The following PLXNC1 variants were observed in gnomAD, a reference collection of about 807,000 sequenced individuals.
The protein encoded by PLXNC1 is plexin-C1.
PLXNC1 carries 75 observed loss-of-function variants against 178.2 expected under a neutral mutation model. The observed-to-expected ratio is 0.42, with a 90% CI of 0.35 to 0.51. The LOEUF (loss-of-function observed/expected upper bound fraction) is 0.51. PLXNC1 is among the 20% of genes least tolerant of loss of function. The pLI is 0.02. For synonymous variants in PLXNC1, 790 were observed against 779.9 expected (o/e 1.01, Z -0.22); for missense variants, 1,503 against 1,984.4 (o/e 0.76, Z 4.61).
At position 94,220,056 on chromosome 12, in the gene PLXNC1, C is replaced by A. The variant is rs1201529476; in HGVS notation, c.1595C>A (p.Ser532Ter). 1 of 1,613,612 alleles carries A rather than the reference C, an allele frequency of 6.2e-7. No individual in the cohort carries two copies. Among genetic ancestry groups the A allele is most frequent in the Non-Finnish European group, 8.5e-7 (1 of 1,179,720 alleles). ...TMVGSFSPRH[S>*]KCMVKNVDSS... ...GTGGGAAGCTTCTCTCCAAGACACTCAAAGTGCATGGTGAAGAATGTGGAC... is the reference window on the plus strand; with the variant it reads ...GTGGGAAGCTTCTCTCCAAGACACTAAAAGTGCATGGTGAAGAATGTGGAC... The change falls in exon 6 of 31, where the codon TCA becomes TAA. Residue 532 changes from serine (S) to a stop codon, truncating the protein, a stop_gained. Coordinates refer to ENST00000258526, the MANE Select transcript of PLXNC1 (RefSeq NM_005761.3). LOFTEE classifies it high-confidence loss of function.
In PLXNC1 at chr12:94,260,615, G is replaced by T. The variant is rs756333840; in HGVS notation, c.3252-27G>T. 1.9e-6 allele frequency: 3 copies of T among 1,578,540 alleles called. No individual in the cohort carries two copies. The highest frequency in any genetic ancestry group is 1.3e-5 in the African/African-American group (1 of 74,168). On this transcript the variant is annotated intron_variant, in intron 19 of 30. Coordinates refer to ENST00000258526, the MANE Select transcript of PLXNC1 (RefSeq NM_005761.3). This position sits in a 1 kb window ranked among gnomAD's most constrained non-coding sequence, Gnocchi z 4.4. ...GTGTCCAGCTAGGCCTGCAGCCAAT[G>T]GTTCACCCAGCTCTCTTTTTCAACA...
chr12:94,166,171 G>A (rs987526568), intron 1 of PLXNC1, among the ~76,000 whole-genome samples: 1 of 152,084 alleles, frequency 6.6e-6, no homozygotes, highest in Admixed American at 6.5e-5. Context: ...CCATGGGTGT[G>A]GCAGTAACTT....
At chr12:94,183,903 G>A (rs1171689350) in intron 3 of PLXNC1, among the ~76,000 whole-genome samples, 2 of 152,210 alleles carry the variant, frequency 1.3e-5, no homozygotes, top group Non-Finnish European at 2.9e-5. Context: ...CTCTGGCTGA[G>A]CAAATATAAC....
At chr12:94,279,759 A>G in intron 22 of PLXNC1, 110 bp downstream of exon 22, 2 of 962,004 alleles carry the variant, frequency 2.1e-6, no homozygotes, top group Non-Finnish European at 3.3e-6. Context: ...ATTCAGTGAC[A>G]CTTACACAGC....
Position 94,209,733 on chromosome 12 carries a change from G to T in PLXNC1, c.1554+29G>T, listed in dbSNP as rs537806079. The T allele has an allele frequency of 3.1e-5, 42 of 1,338,316 alleles. No homozygotes were observed. In the East Asian group the frequency reaches 6.9e-4, roughly 22 times the overall value. 82.9% of individuals were successfully genotyped at this position (1,338,316 alleles called of 1,614,324 possible). On this transcript the variant is annotated intron_variant, in intron 5 of 30. Coordinates refer to ENST00000258526, the MANE Select transcript of PLXNC1 (RefSeq NM_005761.3). ...AGAGGAAAGATTTTAATTTGTCCTCGTTGTATTGTCTCATTTTGCACAGCG... is the reference window on the plus strand; with the variant it reads ...AGAGGAAAGATTTTAATTTGTCCTCTTTGTATTGTCTCATTTTGCACAGCG...
intron 4 of PLXNC1, among the ~76,000 whole-genome samples, chr12:94,209,355 A>G (rs368522691): frequency 4.6e-5 from 7 of 152,092 alleles, no homozygotes; most frequent in African/African-American, 1.7e-4. Context: ...CATGTTGTCT[A>G]CATTTGTTCT....
chr12:94,245,969 A>G (rs143362644), intron 12 of PLXNC1, among the ~76,000 whole-genome samples: 18 of 152,366 alleles, frequency 1.2e-4, no homozygotes, highest in African/African-American at 4.1e-4. Context: ...ATTAGTGACA[A>G]TGAAAGCAGT....
intron 5 of PLXNC1, among the ~76,000 whole-genome samples, chr12:94,213,108 A>G (rs962359417): frequency 1.3e-5 from 2 of 152,146 alleles, no homozygotes; most frequent in Admixed American, 1.3e-4. Context: ...GCTGCAATAT[A>G]CTTACATGTG....
rs1183896304 is a variant in PLXNC1 at position 94,297,345 on chromosome 12, T to A, written c.3996T>A (p.Asp1332Glu). The A allele has an allele frequency of 6.2e-7, 1 of 1,614,056 alleles. No individual in the cohort carries two copies. ...TACCAGATTCGGAAGCATTCCAAGA[T>A]GTGCAAGGAAAGAGACATCGAGGGA... ...LILPDSEAFQ[D>E]VQGKRHRGKH... The change falls in exon 26 of 31, where the codon GAT becomes GAA. Residue 1332 changes from aspartate (D) to glutamate (E), a missense_variant. Asp to Glu is a conservative substitution (Grantham distance 45). This residue lies in a region of PLXNC1 where 639 missense variants were observed against 979.7 expected (regional missense o/e 0.65). Transcript: ENST00000258526.
intron 9 of PLXNC1, among the ~76,000 whole-genome samples, chr12:94,231,327 C>T (rs759004946): frequency 6.6e-6 from 1 of 152,064 alleles, no homozygotes; most frequent in Non-Finnish European, 1.5e-5. Context: ...CCAGGACACA[C>T]GCTAGAGGAA....
intron 14 of PLXNC1, among the ~76,000 whole-genome samples, chr12:94,250,263 G>C (rs1397656340): frequency 6.6e-6 from 1 of 152,206 alleles, no homozygotes; most frequent in Non-Finnish European, 1.5e-5. Context: ...GGCTTGGCTT[G>C]TGGGCTGCAG....
intron 26 of PLXNC1, among the ~76,000 whole-genome samples, chr12:94,298,051 T>A (rs1968104477): frequency 6.6e-6 from 1 of 152,216 alleles, no homozygotes; most frequent in Non-Finnish European, 1.5e-5. Flanking sequence ...TTGATGGGCA[T>A]GCTTCTTCAG....
At chr12:94,158,215 T>C (rs1442170249) in intron 1 of PLXNC1, 2 of 152,188 alleles carry the variant, frequency 1.3e-5, no homozygotes, top group Non-Finnish European at 2.9e-5. Context: ...AGAGAGGTAA[T>C]GCTTGAGCTG....
At chr12:94,286,662 T>C (rs1264329390) in intron 23 of PLXNC1, among the ~76,000 whole-genome samples, 1 of 146,682 alleles carries the variant, frequency 6.8e-6, no homozygotes, top group East Asian at 2.0e-4. Flanking sequence ...AAATAGGGTC[T>C]AATTCAGAGT....
At chr12:94,290,759 C>A (rs1592962737) in intron 23 of PLXNC1, among the ~76,000 whole-genome samples, 1 of 152,378 alleles carries the variant, frequency 6.6e-6, no homozygotes, top group East Asian at 1.9e-4. Context: ...GGTTTCCACT[C>A]TTTCCAAACT....
At chr12:94,234,397 AAAAT>A (rs1388025588) in intron 9 of PLXNC1, among the ~76,000 whole-genome samples, 8 of 152,346 alleles carry the variant, frequency 5.3e-5, no homozygotes, top group African/African-American at 1.7e-4. Flanking sequence ...TTAAAAATAA[AAAAT>A]AAAAAGGATC....
chr12:94,239,819 T>C (rs1964334541), intron 10 of PLXNC1, among the ~76,000 whole-genome samples: 1 of 152,242 alleles, frequency 6.6e-6, no homozygotes, highest in African/African-American at 2.4e-5. Context: ...GATTCTGAGA[T>C]GCCTGGGCTC....
Position 94,306,660 on chromosome 12 carries a change from T to C in PLXNC1, c.*1375T>C, listed in dbSNP as rs1969051194. 6.6e-6 allele frequency: 1 copy of C among 152,190 alleles called. No homozygotes were observed. The allele number at this position is 152,190 out of a possible 1,614,324, so 9.4% of individuals were successfully genotyped here. ...AAAATTTTTTCAAGTCAAATAACATTGATCACATATTCCTTGAAATCATTT... is the reference window on the plus strand; with the variant it reads ...AAAATTTTTTCAAGTCAAATAACATCGATCACATATTCCTTGAAATCATTT... On this transcript the variant is annotated 3_prime_UTR_variant, in exon 31 of 31. Transcript: ENST00000258526.
chr12:94,150,142 G>T, intron 1 of PLXNC1, 109 bp downstream of exon 1: 2 of 936,042 alleles, frequency 2.1e-6, no homozygotes, highest in Middle Eastern at 3.4e-4. Context: ...GTACAGCCGG[G>T]TGACATTTAC....
Sources: gnomAD v4.1 joint callset for allele counts (sites outside exome capture counted in the v4.1 genomes callset) on GRCh38, gnomAD v4.1.1 for gene constraint, gnomAD v4.1.1 regional missense constraint, Gnocchi (gnomAD v3.1) non-coding constraint, MANE v1.5 for transcripts, NCBI Gene and HGNC (gene_info 2026-07-23, HGNC 2026-07-21) for gene names.